DNM3: variants seen among roughly 807,000 people sequenced by gnomAD.
The protein encoded by DNM3 is dynamin 3.
A neutral mutation model predicts 101.6 loss-of-function variants in DNM3; 47 were observed. The observed-to-expected ratio is 0.46, with a 90% CI of 0.37 to 0.59. The LOEUF is 0.59. DNM3 is among the 20% of genes least tolerant of loss of function. The pLI, the probability that DNM3 is intolerant of heterozygous loss-of-function variation, is 0.00. For synonymous variants in DNM3, 385 were observed against 387.9 expected, an observed-to-expected ratio of 0.99 and a Z score of 0.09; for missense variants, 849 against 1,085.7, an observed-to-expected ratio of 0.78 and a Z score of 3.06.
intron 14 of DNM3, among the ~76,000 whole-genome samples, chr1:172,158,470 A>G (rs2058425877): frequency 6.6e-6 from 1 of 152,076 alleles, no homozygotes; most frequent in Non-Finnish European, 1.5e-5. Flanking sequence ...TGGAAAAGAC[A>G]GACCTAGAGA....
intron 2 of DNM3, among the ~76,000 whole-genome samples, chr1:171,961,807 T>A (rs1244589445): frequency 6.6e-6 from 1 of 152,192 alleles, no homozygotes; most frequent in Admixed American, 6.5e-5. Flanking sequence ...TGCAACAGGA[T>A]GAACTTGAAA....
intron 4 of DNM3, among the ~76,000 whole-genome samples, chr1:171,989,935 A>G (rs758963075): frequency 3.3e-5 from 5 of 151,714 alleles, no homozygotes; most frequent in Non-Finnish European, 7.4e-5. Flanking sequence ...GAACTCCTAA[A>G]TGAATCCTTT....
intron 13 of DNM3, among the ~76,000 whole-genome samples, chr1:172,125,969 CT>C (rs2056598624): frequency 6.6e-6 from 1 of 151,880 alleles, no homozygotes. Context: ...TTTCCTTTTT[CT>C]TTTCTTTTTA....
At chr1:171,901,623 C>T (rs1211015750) in intron 1 of DNM3, among the ~76,000 whole-genome samples, 1 of 152,190 alleles carries the variant, frequency 6.6e-6, no homozygotes, top group African/African-American at 2.4e-5. Flanking sequence ...CCAATAAAAG[C>T]TCACAACTTG....
At chr1:172,035,590 GA>G (rs949604556) in intron 6 of DNM3, among the ~76,000 whole-genome samples, 2 of 152,198 alleles carry the variant, frequency 1.3e-5, no homozygotes, top group Non-Finnish European at 2.9e-5. Context: ...AAGTGTTTTA[GA>G]AAGCCGCAGT....
chr1:172,225,082 A>G (rs914415945), intron 14 of DNM3, among the ~76,000 whole-genome samples: 2 of 145,142 alleles, frequency 1.4e-5, no homozygotes, highest in African/African-American at 5.2e-5. Flanking sequence ...TTCTCCTCCA[A>G]TTCCTCTTTG....
rs1055692773 is a variant in DNM3, at chr1:171,904,383, G to A, written c.162-17365G>A. On this transcript the variant is annotated intron_variant, in intron 1 of 20. Transcript: ENST00000627582. The stretch of plus-strand genomic sequence containing the variant: ...TGTTTGTTCTACAGCATTAAGAGAA[G>A]CATACAATCCATCCTTGGGGATGGG... Among the ~76,000 whole-genome samples, 7 of 152,278 alleles carry A rather than the reference G, an allele frequency of 4.6e-5. No homozygotes were observed. In the South Asian group the frequency reaches 8.3e-4, roughly 18 times the overall value.
At chr1:171,909,465 G>A (rs2039111261) in intron 1 of DNM3, among the ~76,000 whole-genome samples, 1 of 151,314 alleles carries the variant, frequency 6.6e-6, no homozygotes, top group South Asian at 2.1e-4. Flanking sequence ...AGTCAGAGGT[G>A]GAATCAGATT....
At chr1:172,081,956 C>T in intron 12 of DNM3, 54 bp downstream of exon 12, 1 of 1,549,680 alleles carries the variant, frequency 6.5e-7, no homozygotes, top group Non-Finnish European at 8.9e-7. Flanking sequence ...TTGTCTCAAA[C>T]ACACATTGTG....
intron 14 of DNM3, among the ~76,000 whole-genome samples, chr1:172,247,044 A>C (rs2061980498): frequency 6.6e-6 from 1 of 152,168 alleles, no homozygotes; most frequent in South Asian, 2.1e-4. Flanking sequence ...AAAAACATTT[A>C]TCGTCCCTGG....
In DNM3 at chr1:172,032,403, T is replaced by C; in HGVS notation, c.591T>C (p.Gly197=). The change falls in exon 5 of 21, where the codon GGT becomes GGC. Residue 197 remains glycine, a splice_region_variant and synonymous_variant. Coordinates refer to ENST00000627582, the MANE Select transcript of DNM3 (RefSeq NM_015569.5). ...LKLAKEVDPQ[G]LRTIGVITKL... ...ATGTTGGGTTTGTTTATGATGCAGG[T>C]CTGAGAACCATTGGAGTTATCACCA... 6.2e-7 allele frequency: 1 copy of C among 1,611,368 alleles called. No homozygotes were observed. Among genetic ancestry groups the C allele is most frequent in the Non-Finnish European group, 8.5e-7 (1 of 1,177,814 alleles).
At chr1:172,172,682 C>T (rs766163411) in intron 14 of DNM3, among the ~76,000 whole-genome samples, 43 of 151,638 alleles carry the variant, frequency 2.8e-4, no homozygotes, top group Admixed American at 1.4e-3. Flanking sequence ...GAGAAGGGTA[C>T]AGTTCTATGT....
chr1:171,896,286 C>T (rs1288910298), intron 1 of DNM3, among the ~76,000 whole-genome samples: 4 of 152,158 alleles, frequency 2.6e-5, no homozygotes, highest in Non-Finnish European at 1.5e-5. Flanking sequence ...GAATGTTCTT[C>T]CATTTGTTTG....
intron 4 of DNM3, among the ~76,000 whole-genome samples, chr1:172,007,410 G>C (rs896992935): frequency 1.3e-5 from 2 of 152,078 alleles, no homozygotes; most frequent in African/African-American, 4.8e-5. Context: ...ATCAGTTCAC[G>C]TCCTTATAGG....
chr1:171,990,603 C>G (rs1368201902), intron 4 of DNM3, among the ~76,000 whole-genome samples: 1 of 152,104 alleles, frequency 6.6e-6, no homozygotes, highest in Non-Finnish European at 1.5e-5. Flanking sequence ...CAGAGTCCCT[C>G]TGGTTCAACC....
At chr1:171,944,822 G>GT (rs200727956) in intron 2 of DNM3, among the ~76,000 whole-genome samples, 1,713 of 75,292 alleles carry the variant, frequency 0.023, 84 homozygotes, top group African/African-American at 0.08. Context: ...ATATTAAAGT[G>GT]TTTTTTTTTG....
chr1:172,266,826 A>G (rs1292017141), intron 15 of DNM3, among the ~76,000 whole-genome samples: 1 of 152,192 alleles, frequency 6.6e-6, no homozygotes, highest in African/African-American at 2.4e-5. Flanking sequence ...TTGAGAGTAG[A>G]AACACTTTAT....
At chr1:172,091,003 G>A (rs988253342) in intron 12 of DNM3, among the ~76,000 whole-genome samples, 4 of 152,096 alleles carry the variant, frequency 2.6e-5, no homozygotes, top group African/African-American at 4.8e-5. Flanking sequence ...ATATTGATAC[G>A]TGTTTATTCA....
chr1:172,143,471 T>C (rs929244668), intron 14 of DNM3, among the ~76,000 whole-genome samples: 2 of 152,104 alleles, frequency 1.3e-5, no homozygotes, highest in African/African-American at 4.8e-5. Context: ...ATTTTCTCTA[T>C]TAGGATTTCA....
Sources: gnomAD v4.1 joint callset for allele counts (sites outside exome capture counted in the v4.1 genomes callset) on GRCh38, gnomAD v4.1.1 for gene constraint, MANE v1.5 for transcripts, NCBI Gene and HGNC (gene_info 2026-07-23, HGNC 2026-07-21) for gene names.